GLRA2: variants seen among roughly 807,000 people sequenced by gnomAD.
The protein encoded by GLRA2 is glycine receptor alpha 2.
In GLRA2, 11 loss-of-function variants were observed where a neutral mutation model predicts 31.6. The ratio of observed to expected loss-of-function variants is 0.35; its 90% CI spans 0.22 to 0.58. GLRA2 has a LOEUF of 0.58. GLRA2 is among the 20% of genes least tolerant of loss of function. GLRA2 has a pLI of 0.84. For missense variants in GLRA2, 212 were observed against 351.8 expected (o/e 0.60, Z 3.18); for synonymous variants, 132 against 134.0 (o/e 0.99, Z 0.10).
intron 8 of GLRA2, among the ~76,000 whole-genome samples, chrX:14,722,484 T>C (rs769647556): frequency 9.0e-6 from 1 of 111,344 alleles, no homozygotes; most frequent in Non-Finnish European, 1.9e-5. Flanking sequence ...CACCAAATTC[T>C]GTTGATTAGG....
At chrX:14,679,518 C>G (rs1488490595) in intron 7 of GLRA2, among the ~76,000 whole-genome samples, 1 of 111,048 alleles carries the variant, frequency 9.0e-6, no homozygotes, top group East Asian at 2.8e-4. Flanking sequence ...TTTGAAACCC[C>G]AAACCTATCA....
the GLRA2 span, among the ~76,000 whole-genome samples, chrX:14,449,831 A>C: frequency 8.9e-6 from 1 of 112,153 alleles, no homozygotes; most frequent in African/African-American, 3.2e-5. Flanking sequence ...TCCAGCTGAG[A>C]TCTGTGGCCT....
At chrX:14,509,867 A>G in the GLRA2 span, among the ~76,000 whole-genome samples, 1 of 112,063 alleles carries the variant, frequency 8.9e-6, no homozygotes, top group Admixed American at 9.5e-5. Context: ...CAAAGGCATA[A>G]TAGAGCAGAA....
chrX:14,566,696 T>C (rs897523230), intron 2 of GLRA2, among the ~76,000 whole-genome samples: 17 of 111,589 alleles, frequency 1.5e-4, no homozygotes, highest in Middle Eastern at 4.6e-3. Flanking sequence ...CAGGGAGGAC[T>C]CCCTGCTTTC....
At chrX:14,706,518 A>T (rs2091624658) in intron 8 of GLRA2, among the ~76,000 whole-genome samples, 1 of 112,356 alleles carries the variant, frequency 8.9e-6, no homozygotes, top group Admixed American at 9.4e-5. Flanking sequence ...TTTATTTTTA[A>T]TTGTGAAAGA....
At chrX:14,463,783 T>G in the GLRA2 span, among the ~76,000 whole-genome samples, 5 of 111,138 alleles carry the variant, frequency 4.5e-5, no homozygotes, top group Admixed American at 3.8e-4. Flanking sequence ...ACTCACAGCT[T>G]CCCTTGACTA....
intron 8 of GLRA2, among the ~76,000 whole-genome samples, chrX:14,703,173 G>C (rs1474667826): frequency 8.9e-6 from 1 of 111,860 alleles, no homozygotes; most frequent in Non-Finnish European, 1.9e-5. Flanking sequence ...GTGCCAGCAA[G>C]CTTTGGAGAT....
intron 7 of GLRA2, among the ~76,000 whole-genome samples, chrX:14,642,265 G>A (rs2090782014): frequency 8.9e-6 from 1 of 111,836 alleles, no homozygotes; most frequent in Admixed American, 9.5e-5. Context: ...CCTGGGCTGG[G>A]TGCCTGGCAG....
chrX:14,702,885 C>T (rs750733056), intron 8 of GLRA2, among the ~76,000 whole-genome samples: 18 of 111,336 alleles, frequency 1.6e-4, no homozygotes, highest in African/African-American at 5.9e-4. Context: ...GAGACAGGGG[C>T]CACCATACAG....
intron 7 of GLRA2, among the ~76,000 whole-genome samples, chrX:14,621,303 T>C (rs1328928661): frequency 1.7e-4 from 19 of 111,611 alleles, no homozygotes; most frequent in Non-Finnish European, 3.4e-4. Context: ...CCAAACTATC[T>C]GGGCATAGGG....
At chrX:14,627,759 A>T (rs2090603808) in intron 7 of GLRA2, among the ~76,000 whole-genome samples, 1 of 111,872 alleles carries the variant, frequency 8.9e-6, no homozygotes, top group African/African-American at 3.2e-5. Context: ...GAAGGTAGGT[A>T]CAAGATATTA....
intron 8 of GLRA2, among the ~76,000 whole-genome samples, chrX:14,691,662 T>G (rs2091363590): frequency 9.0e-6 from 1 of 111,699 alleles, no homozygotes. Flanking sequence ...CCTCTGTATT[T>G]CTGCAGCTCC....
intron 2 of GLRA2, 114 bp from the exon 3 acceptor site, chrX:14,574,219 G>T (rs947593333): frequency 8.2e-5 from 41 of 501,630 alleles, no homozygotes; most frequent in East Asian, 3.9e-4. Flanking sequence ...CTTTTTTTTT[G>T]GCAATCTCAC....
chrX:14,705,942 G>A (rs979144518), intron 8 of GLRA2, among the ~76,000 whole-genome samples: 1 of 111,971 alleles, frequency 8.9e-6, no homozygotes, highest in African/African-American at 3.2e-5. Context: ...AGCAACAGAA[G>A]TCATACCAGA....
intron 3 of GLRA2, among the ~76,000 whole-genome samples, chrX:14,577,434 C>T (rs994804937): frequency 8.9e-6 from 1 of 112,675 alleles, no homozygotes; most frequent in Non-Finnish European, 1.9e-5. Flanking sequence ...TGAGGCCCTG[C>T]CTGGGACTCC....
intron 8 of GLRA2, 104 bp from the exon 9 acceptor site, chrX:14,730,103 C>G: frequency 1.7e-6 from 1 of 595,060 alleles, no homozygotes; most frequent in East Asian, 3.3e-5. Flanking sequence ...TCCCACACCA[C>G]CAGTTAACTG....
chrX:14,686,701 ATG>A, intron 7 of GLRA2, among the ~76,000 whole-genome samples: 1 of 111,294 alleles, frequency 9.0e-6, no homozygotes, highest in East Asian at 2.8e-4. Flanking sequence ...TTTTGAGCCT[ATG>A]TGTGTCTCTG....
At chrX:14,596,757 A>G (rs976310058) in intron 4 of GLRA2, among the ~76,000 whole-genome samples, 7 of 111,603 alleles carry the variant, frequency 6.3e-5, no homozygotes, top group African/African-American at 2.3e-4. Flanking sequence ...ACAGAAATCA[A>G]AGTCATCCCT....
intron 2 of GLRA2, among the ~76,000 whole-genome samples, chrX:14,573,139 A>G (rs1167366927): frequency 8.9e-6 from 1 of 112,215 alleles, no homozygotes; most frequent in South Asian, 3.7e-4. Context: ...GTTTCAAAGA[A>G]TAACAACACA....
Sources: gnomAD v4.1 joint callset for allele counts (sites outside exome capture counted in the v4.1 genomes callset) on GRCh38, gnomAD v4.1.1 for gene constraint, MANE v1.5 for transcripts, NCBI Gene and HGNC (gene_info 2026-07-23, HGNC 2026-07-21) for gene names.